FHIT: variants seen among roughly 807,000 people sequenced by gnomAD.
FHIT encodes the protein fragile histidine triad diadenosine triphosphatase, also known as bis(5'-adenosyl)-triphosphatase.
In FHIT, 19 loss-of-function variants were observed where a neutral mutation model predicts 17.9. That is an observed-to-expected ratio of 1.06 (90% CI 0.74 to 1.56). The LOEUF (loss-of-function observed/expected upper bound fraction) is 1.56, where lower values mean the gene tolerates loss of function less well. Ranked by LOEUF, FHIT falls within the 40% of genes most tolerant of loss-of-function variation. The pLI is 0.00. For missense variants in FHIT, 248 were observed against 189.2 expected (o/e 1.31, Z -1.82); for synonymous variants, 81 against 69.7 (o/e 1.16, Z -0.81).
chr3:60,824,461 G>A (rs1304155784), intron 3 of FHIT, among the ~76,000 whole-genome samples: 2 of 152,090 alleles, frequency 1.3e-5, no homozygotes, highest in Non-Finnish European at 2.9e-5. Context: ...CAGGGAATAA[G>A]TAACCAGAAT....
chr3:60,666,508 G>T (rs1553692471), intron 4 of FHIT, among the ~76,000 whole-genome samples: 1 of 152,078 alleles, frequency 6.6e-6, no homozygotes, highest in African/African-American at 2.4e-5. Context: ...CTGCTTTCAA[G>T]ATTTCTTCAG....
At chr3:61,039,908 T>C (rs2033428307) in intron 3 of FHIT, among the ~76,000 whole-genome samples, 1 of 152,132 alleles carries the variant, frequency 6.6e-6, no homozygotes. Context: ...CAACAGCACT[T>C]AGAACAGAAT....
At chr3:60,416,108 A>G (rs577712388) in intron 5 of FHIT, among the ~76,000 whole-genome samples, 9 of 151,956 alleles carry the variant, frequency 5.9e-5, no homozygotes, top group African/African-American at 2.2e-4. Flanking sequence ...TAAAGGCCCA[A>G]TAAACATAAC....
At chr3:61,141,814 G>C (rs2037089404) in intron 2 of FHIT, among the ~76,000 whole-genome samples, 1 of 151,572 alleles carries the variant, frequency 6.6e-6, no homozygotes, top group African/African-American at 2.4e-5. Context: ...CTCAAAATCA[G>C]TTACCAAGTT....
At chr3:61,001,929 A>C (rs1312522688) in intron 3 of FHIT, among the ~76,000 whole-genome samples, 4 of 151,740 alleles carry the variant, frequency 2.6e-5, no homozygotes, top group Admixed American at 1.3e-4. Flanking sequence ...GGAAAACTGG[A>C]AAAAGGGTAC....
chr3:59,808,561 C>T (rs1700292958), intron 8 of FHIT, among the ~76,000 whole-genome samples: 1 of 152,194 alleles, frequency 6.6e-6, no homozygotes, highest in Non-Finnish European at 1.5e-5. Context: ...ACCTCCGGGT[C>T]TGTTGACACT....
chr3:60,375,589 T>C (rs1457967369), intron 5 of FHIT, among the ~76,000 whole-genome samples: 1 of 151,962 alleles, frequency 6.6e-6, no homozygotes, highest in Non-Finnish European at 1.5e-5. Context: ...AAAAAATATA[T>C]ATTGAAAGTA....
At chr3:60,845,023 A>G (rs1702877053) in intron 3 of FHIT, among the ~76,000 whole-genome samples, 1 of 152,046 alleles carries the variant, frequency 6.6e-6, no homozygotes, top group Admixed American at 6.6e-5. Context: ...GGCTTCTACT[A>G]CTTCTATTTA....
intron 5 of FHIT, among the ~76,000 whole-genome samples, chr3:60,058,684 A>T (rs903143141): frequency 6.6e-6 from 1 of 152,194 alleles, no homozygotes; most frequent in East Asian, 1.9e-4. Context: ...GACACAAAAG[A>T]TGATCTACTC....
intron 5 of FHIT, among the ~76,000 whole-genome samples, chr3:60,339,563 A>G (rs1247297280): frequency 6.6e-6 from 1 of 152,166 alleles, no homozygotes; most frequent in Non-Finnish European, 1.5e-5. Context: ...AGTTTACCCA[A>G]GCTCCTTACT....
At chr3:60,424,914 C>A (rs1702608212) in intron 5 of FHIT, among the ~76,000 whole-genome samples, 1 of 152,112 alleles carries the variant, frequency 6.6e-6, no homozygotes. Context: ...AAGTTTTTAT[C>A]AGTAGTCACC....
intron 4 of FHIT, among the ~76,000 whole-genome samples, chr3:60,583,146 T>A (rs574423420): frequency 1.3e-5 from 2 of 152,022 alleles, no homozygotes; most frequent in African/African-American, 4.8e-5. Context: ...AGGAGGTGAT[T>A]CGGGCAGAAT....
At chr3:60,963,214 C>T (rs1468471026) in intron 3 of FHIT, among the ~76,000 whole-genome samples, 1 of 152,148 alleles carries the variant, frequency 6.6e-6, no homozygotes, top group Non-Finnish European at 1.5e-5. Context: ...AGTTTATTTG[C>T]ATAGAGGTGT....
intron 3 of FHIT, among the ~76,000 whole-genome samples, chr3:60,840,420 G>C (rs552764333): frequency 1.3e-5 from 2 of 152,170 alleles, no homozygotes; most frequent in Non-Finnish European, 2.9e-5. Context: ...ATTCTGCGAT[G>C]AACTTGACAT....
At chr3:60,338,378 T>G (rs1478758822) in intron 5 of FHIT, among the ~76,000 whole-genome samples, 1 of 152,150 alleles carries the variant, frequency 6.6e-6, no homozygotes. Flanking sequence ...ATTTACTTAT[T>G]TATTTGAGAC....
At chr3:60,683,689 A>G (rs1735449) in intron 4 of FHIT, among the ~76,000 whole-genome samples, 139,574 of 152,206 alleles carry the variant, frequency 0.92, 64,060 homozygotes, top group Non-Finnish European at 0.94. Context: ...TGAGATATAG[A>G]TATGCCTGCA....
chr3:60,205,137 G>C (rs912449241), intron 5 of FHIT, among the ~76,000 whole-genome samples: 8 of 151,104 alleles, frequency 5.3e-5, no homozygotes, highest in Admixed American at 6.6e-5. Context: ...ACAGTGATAA[G>C]ACAAAACAAA....
chr3:60,734,588 C>G (rs939666560), intron 4 of FHIT, among the ~76,000 whole-genome samples: 1 of 152,228 alleles, frequency 6.6e-6, no homozygotes, highest in Non-Finnish European at 1.5e-5. Context: ...AGGTCTCAAA[C>G]TTCTGAGCTC....
At chr3:60,641,439 C>A (rs926036188) in intron 4 of FHIT, among the ~76,000 whole-genome samples, 2 of 152,092 alleles carry the variant, frequency 1.3e-5, no homozygotes, top group East Asian at 3.9e-4. Flanking sequence ...TTAAAATACC[C>A]ACAGCATCAA....
Sources: gnomAD v4.1 joint callset for allele counts (sites outside exome capture counted in the v4.1 genomes callset) on GRCh38, gnomAD v4.1.1 for gene constraint, MANE v1.5 for transcripts, NCBI Gene and HGNC (gene_info 2026-07-23, HGNC 2026-07-21) for gene names.